CNTNAP2: variants seen among roughly 807,000 people sequenced by gnomAD.
CNTNAP2 encodes the protein contactin associated protein 2.
CNTNAP2 carries 98 observed loss-of-function variants against 155.2 expected under a neutral mutation model. The observed-to-expected ratio is 0.63, with a 90% CI of 0.54 to 0.75. The LOEUF (loss-of-function observed/expected upper bound fraction) is 0.75. CNTNAP2 is among the 30% of genes least tolerant of loss of function. The pLI is 0.00. For missense variants in CNTNAP2, 1,727 were observed against 1,688.1 expected, an observed-to-expected ratio of 1.02 and a Z score of -0.40; for synonymous variants, 651 against 631.2, an observed-to-expected ratio of 1.03 and a Z score of -0.47.
At chr7:147,150,584 A>T (rs552269101) in intron 8 of CNTNAP2, among the ~76,000 whole-genome samples, 10 of 152,342 alleles carry the variant, frequency 6.6e-5, no homozygotes, top group South Asian at 2.1e-4. Flanking sequence ...TACTAATTTT[A>T]TGGAAGGCTT....
At chr7:146,728,711 T>G (rs1435259529) in intron 1 of CNTNAP2, among the ~76,000 whole-genome samples, 1 of 152,154 alleles carries the variant, frequency 6.6e-6, no homozygotes, top group Non-Finnish European at 1.5e-5. Flanking sequence ...TTCTTCGAGT[T>G]GAATAAAATC....
chr7:148,320,157 C>A (rs969409491), intron 21 of CNTNAP2, among the ~76,000 whole-genome samples: 1 of 152,134 alleles, frequency 6.6e-6, no homozygotes, highest in African/African-American at 2.4e-5. Flanking sequence ...GGCTGTGCTA[C>A]CCTCCCAGGG....
intron 13 of CNTNAP2, among the ~76,000 whole-genome samples, chr7:147,656,269 A>C (rs1795524312): frequency 6.6e-6 from 1 of 152,234 alleles, no homozygotes; most frequent in Admixed American, 6.5e-5. Flanking sequence ...TCACTGGAGT[A>C]GCACTTTCAA....
At chr7:146,145,662 T>C (rs1051084344) in intron 1 of CNTNAP2, among the ~76,000 whole-genome samples, 1 of 152,056 alleles carries the variant, frequency 6.6e-6, no homozygotes, top group Non-Finnish European at 1.5e-5. Context: ...CTGACCATGG[T>C]CCCACAGCAA....
chr7:147,022,818 A>G (rs1798839635), intron 3 of CNTNAP2, among the ~76,000 whole-genome samples: 1 of 152,022 alleles, frequency 6.6e-6, no homozygotes, highest in South Asian at 2.1e-4. Context: ...CAAACATGGG[A>G]CTCTTCTTGG....
At chr7:147,780,711 G>A (rs1187812623) in intron 13 of CNTNAP2, among the ~76,000 whole-genome samples, 3 of 152,108 alleles carry the variant, frequency 2.0e-5, no homozygotes, top group Non-Finnish European at 4.4e-5. Flanking sequence ...CCCTTTTGAC[G>A]CTTTTCTTCA....
chr7:147,212,464 T>G (rs2116574573), intron 8 of CNTNAP2, among the ~76,000 whole-genome samples: 1 of 152,230 alleles, frequency 6.6e-6, no homozygotes, highest in African/African-American at 2.4e-5. Flanking sequence ...AAGGCCTCTA[T>G]TCTAACTAGA....
chr7:147,749,548 A>G (rs1468381475), intron 13 of CNTNAP2, among the ~76,000 whole-genome samples: 1 of 152,160 alleles, frequency 6.6e-6, no homozygotes, highest in Non-Finnish European at 1.5e-5. Context: ...TATTTTTACC[A>G]GCAATATGTG....
At chr7:146,343,170 A>T (rs1053960841) in intron 1 of CNTNAP2, among the ~76,000 whole-genome samples, 4 of 151,480 alleles carry the variant, frequency 2.6e-5, no homozygotes, top group African/African-American at 9.7e-5. Context: ...TCTTCTGCTT[A>T]TTGCTGAAAG....
chr7:148,225,968 C>G (rs927002523), intron 19 of CNTNAP2, among the ~76,000 whole-genome samples: 1 of 152,018 alleles, frequency 6.6e-6, no homozygotes, highest in African/African-American at 2.4e-5. Flanking sequence ...TTTGGGGTTG[C>G]CAGTAAGATA....
chr7:147,549,442 A>G (rs1257268022), intron 11 of CNTNAP2, among the ~76,000 whole-genome samples: 2 of 152,132 alleles, frequency 1.3e-5, no homozygotes, highest in Non-Finnish European at 2.9e-5. Context: ...ATTTTTGCAC[A>G]TTGATTTTGT....
chr7:147,025,914 C>T lies in CNTNAP2; in HGVS notation c.403-17993C>T, dbSNP rs180747980. 2.6e-5 allele frequency among the ~76,000 whole-genome samples: 4 copies of T among 151,034 alleles called. No homozygotes were observed. In the East Asian group the frequency reaches 6.0e-4, roughly 23 times the overall value. On this transcript the variant is annotated intron_variant, in intron 3 of 23. Transcript: ENST00000361727. ...TGTTGAGATCACCCAAGGTGAAATG[C>T]AGTGACACGATCTGGACTCACTGCA...
rs144654227 is a variant in CNTNAP2, at chr7:148,009,219, G to A, written c.2383+31230G>A. On this transcript the variant is annotated intron_variant, in intron 15 of 23. Coordinates refer to ENST00000361727, the MANE Select transcript of CNTNAP2 (RefSeq NM_014141.6). Reference sequence around the variant, plus strand: ...AGAACACTTACAGTAGCCTAGAGTTGGACCAAATCACCTAACACAAAGCCT... The same window carrying A: ...AGAACACTTACAGTAGCCTAGAGTTAGACCAAATCACCTAACACAAAGCCT... 5.5e-4 allele frequency among the ~76,000 whole-genome samples: 83 copies of A among 152,182 alleles called. 1 individual carries two copies. The East Asian group carries it at 6.4e-3, about 12-fold the overall frequency.
chr7:148,017,362 A>G (rs1802198155), intron 15 of CNTNAP2, among the ~76,000 whole-genome samples: 1 of 152,226 alleles, frequency 6.6e-6, no homozygotes, highest in Non-Finnish European at 1.5e-5. Flanking sequence ...AGTGAAGCAG[A>G]TATGAGAGAG....
rs189279453 is a variant in CNTNAP2 at position 146,537,609 on chromosome 7, G to A, written c.98-236662G>A. 6.6e-5 allele frequency among the ~76,000 whole-genome samples: 10 copies of A among 152,182 alleles called. 1 individual carries two copies. Among genetic ancestry groups the A allele is most frequent in the African/African-American group, 4.8e-5 (2 of 41,536 alleles). ...AGCTCTTCTGGTGGGGAGGCCTTGCGATTTTAAGTTGGGTGGTATGGGAAG... is the reference window on the plus strand; with the variant it reads ...AGCTCTTCTGGTGGGGAGGCCTTGCAATTTTAAGTTGGGTGGTATGGGAAG... On this transcript the variant is annotated intron_variant, in intron 1 of 23. Coordinates refer to ENST00000361727, the MANE Select transcript of CNTNAP2 (RefSeq NM_014141.6).
intron 3 of CNTNAP2, among the ~76,000 whole-genome samples, chr7:146,921,960 G>A (rs540223274): frequency 6.6e-6 from 1 of 152,208 alleles, no homozygotes; most frequent in Non-Finnish European, 1.5e-5. Context: ...GATAAATGGA[G>A]TAAAGAAAAA....
intron 3 of CNTNAP2, among the ~76,000 whole-genome samples, chr7:146,949,138 G>C (rs1221049287): frequency 2.0e-5 from 3 of 152,124 alleles, no homozygotes. Flanking sequence ...GTTCATCTTT[G>C]CATATCAGGA....
intron 11 of CNTNAP2, among the ~76,000 whole-genome samples, chr7:147,522,668 T>C (rs1027222138): frequency 2.6e-5 from 4 of 151,478 alleles, no homozygotes; most frequent in African/African-American, 9.7e-5. Flanking sequence ...CTTCACATTT[T>C]GGGGGAAAAA....
chr7:147,190,924 A>G (rs1802666953), intron 8 of CNTNAP2, among the ~76,000 whole-genome samples: 1 of 152,198 alleles, frequency 6.6e-6, no homozygotes. Flanking sequence ...GAATATTGTC[A>G]CTTTCCTGGT....
Sources: allele counts gnomAD v4.1 joint callset (sites outside exome capture counted in the v4.1 genomes callset), GRCh38; gene constraint gnomAD v4.1.1; transcripts MANE v1.5; gene names NCBI Gene and HGNC (gene_info 2026-07-23, HGNC 2026-07-21).